Variants in MMP26 observed in about 807,000 individuals in gnomAD.
MMP26 encodes matrix metallopeptidase 26, also known as matrix metalloproteinase-26.
Under a neutral mutation model 31.0 loss-of-function variants are expected in MMP26, and 33 were observed. The ratio of observed to expected loss-of-function variants is 1.06; its 90% CI spans 0.81 to 1.42. MMP26 has a LOEUF of 1.42. Ranked by LOEUF, MMP26 falls within the 40% of genes most tolerant of loss-of-function variation. The pLI is 0.00. For missense variants in MMP26, 347 were observed against 316.1 expected (o/e 1.10, Z -0.74); for synonymous variants, 122 against 114.9 (o/e 1.06, Z -0.40).
rs563748507 is a variant in MMP26 at position 4,857,311 on chromosome 11, A to C, written c.-145+89970A>C. Among the ~76,000 whole-genome samples the C allele has an allele frequency of 7.6e-3, 1,154 of 152,302 alleles. 12 individuals carry two copies. The highest frequency in any genetic ancestry group is 0.027 in the African/African-American group (1,125 of 41,558). ...AGCTGGTTTGTTAAAAAGATTAACA[A>C]AATTGATAGACTGCTAGCAAGACTA... On this transcript the variant is annotated intron_variant, in intron 2 of 7. Transcript: ENST00000380390.
At chr11:4,912,150 C>A (rs1851001029) in intron 2 of MMP26, among the ~76,000 whole-genome samples, 1 of 152,078 alleles carries the variant, frequency 6.6e-6, no homozygotes, top group Non-Finnish European at 1.5e-5. Flanking sequence ...AATAAAAGAA[C>A]ATGCTAAGAA....
intron 2 of MMP26, chr11:4,882,079 C>T: frequency 6.2e-7 from 1 of 1,613,900 alleles, no homozygotes; most frequent in Non-Finnish European, 8.5e-7. Context: ...TCCACAAACC[C>T]ATGTATTATT....
At chr11:4,889,954 G>A (rs1167592606) in intron 2 of MMP26, 1 of 160,534 alleles carries the variant, frequency 6.2e-6, no homozygotes, top group African/African-American at 2.4e-5. Context: ...AGAAGAAGTT[G>A]ACAGTGTTGT....
At position 4,819,275 on chromosome 11, in the gene MMP26, T is replaced by C. The variant is rs149126468; in HGVS notation, c.-145+51934T>C. Among the ~76,000 whole-genome samples, 721 of 152,230 alleles carry C rather than the reference T, an allele frequency of 4.7e-3. 8 individuals carry two copies. The highest frequency in any genetic ancestry group is 0.015 in the African/African-American group (634 of 41,536). ...AATTCACTTGAAATTTATTATTGTATAGGTGAAATATGAGGCTGTGAAAAT... is the reference window on the plus strand; with the variant it reads ...AATTCACTTGAAATTTATTATTGTACAGGTGAAATATGAGGCTGTGAAAAT... On this transcript the variant is annotated intron_variant, in intron 2 of 7. Coordinates refer to ENST00000380390, the MANE Select transcript of MMP26 (RefSeq NM_021801.5).
chr11:4,816,860 C>T (rs866726112), intron 2 of MMP26, among the ~76,000 whole-genome samples: 10 of 128,510 alleles, frequency 7.8e-5, no homozygotes, highest in East Asian at 3.9e-4. Context: ...CCCGCCACCA[C>T]GCCCGGCTAA....
chr11:4,745,559 A>G (rs958622396), intron 1 of MMP26, among the ~76,000 whole-genome samples: 1 of 152,192 alleles, frequency 6.6e-6, no homozygotes, highest in Non-Finnish European at 1.5e-5. Flanking sequence ...CTCCCAGTGG[A>G]GTGGTACATT....
intron 2 of MMP26, chr11:4,794,292 C>T (rs1483370245): frequency 6.6e-6 from 1 of 152,090 alleles, no homozygotes; most frequent in Admixed American, 6.6e-5. Flanking sequence ...TGTCCAAACC[C>T]AAAGAATAGA....
intron 1 of MMP26, among the ~76,000 whole-genome samples, chr11:4,726,867 G>A (rs1330117462): frequency 3.9e-5 from 6 of 152,044 alleles, no homozygotes; most frequent in Admixed American, 3.9e-4. Context: ...AATTAGCCAG[G>A]CATGATAGGG....
intron 1 of MMP26, among the ~76,000 whole-genome samples, chr11:4,734,056 G>C (rs1418846847): frequency 2.0e-5 from 3 of 151,974 alleles, no homozygotes; most frequent in Non-Finnish European, 2.9e-5. Flanking sequence ...ATATGTTGCT[G>C]GATTTAGTTT....
chr11:4,852,829 C>T (rs1039054916), intron 2 of MMP26, among the ~76,000 whole-genome samples: 4 of 151,812 alleles, frequency 2.6e-5, no homozygotes, highest in African/African-American at 9.7e-5. Context: ...CATTGATGTA[C>T]GAAGAGGTTA....
rs1203922431 is a variant in MMP26 at position 4,705,063 on chromosome 11, T to G, written c.-217+18T>G. 6.6e-6 allele frequency: 1 copy of G among 152,218 alleles called. No individual in the cohort carries two copies. Among genetic ancestry groups the G allele is most frequent in the Non-Finnish European group, 1.5e-5 (1 of 68,044 alleles). 9.4% of individuals were successfully genotyped at this position (152,218 alleles called of 1,614,324 possible). ...TGCACAAGGTCAGTGTTGTAGTGCA[T>G]TGAAGACAGTTATAAATAAATTAGG... On this transcript the variant is annotated intron_variant, in intron 1 of 7. Coordinates refer to ENST00000380390, the MANE Select transcript of MMP26 (RefSeq NM_021801.5).
At chr11:4,891,590 G>T (rs1247625158) in intron 2 of MMP26, among the ~76,000 whole-genome samples, 5 of 152,174 alleles carry the variant, frequency 3.3e-5, no homozygotes, top group African/African-American at 1.2e-4. Context: ...TTCAAAGGAA[G>T]CAGTCCAAAG....
At chr11:4,981,815 GT>G (rs989557560) in intron 2 of MMP26, among the ~76,000 whole-genome samples, 3 of 151,342 alleles carry the variant, frequency 2.0e-5, no homozygotes, top group East Asian at 3.9e-4. Context: ...ATACTTTTAA[GT>G]TTTTTTCTTT....
At chr11:4,978,710 T>C (rs1396493645) in intron 2 of MMP26, among the ~76,000 whole-genome samples, 4 of 152,190 alleles carry the variant, frequency 2.6e-5, no homozygotes, top group Non-Finnish European at 5.9e-5. Context: ...TATCATCACT[T>C]AACTGACACT....
rs1458138908 is a variant in MMP26, at chr11:4,948,871, GT to G, written c.-144-39195del. Among the ~76,000 whole-genome samples, 2 of 124,646 alleles carry G rather than the reference GT, an allele frequency of 1.6e-5. 1 individual carries two copies. The highest frequency in any genetic ancestry group is 3.6e-5 in the Non-Finnish European group (2 of 54,826). 81.8% of individuals were successfully genotyped at this position (124,646 alleles called of 152,430 possible). On this transcript the variant is annotated intron_variant, in intron 2 of 7. Transcript: ENST00000380390. ...CCCCAATGAAAATAAGCCCCACTTG[GT>G]TATGTTGTCAAGAATTCTCTCCTTC...
intron 2 of MMP26, chr11:4,848,800 G>T: frequency 6.2e-7 from 1 of 1,614,086 alleles, no homozygotes; most frequent in Non-Finnish European, 8.5e-7. Flanking sequence ...TAGTGGAGAG[G>T]TCGGCAGATG....
At position 4,967,322 on chromosome 11, in the gene MMP26, C is replaced by G. The variant is rs529175679; in HGVS notation, c.-144-20746C>G. ...AAAAGTCTGGTCTCATTAGATTTGG[C>G]TTAATTATTTATGTAAGTGCAGCAA... On this transcript the variant is annotated intron_variant, in intron 2 of 7. Transcript: ENST00000380390. Among the ~76,000 whole-genome samples, 3 of 152,220 alleles carry G rather than the reference C, an allele frequency of 2.0e-5. No individual in the cohort carries two copies. In the East Asian group the frequency reaches 5.8e-4, roughly 29 times the overall value.
At chr11:4,915,967 C>T (rs1251097326) in intron 2 of MMP26, among the ~76,000 whole-genome samples, 3 of 152,132 alleles carry the variant, frequency 2.0e-5, no homozygotes, top group African/African-American at 7.2e-5. Context: ...TCTTTTCTGA[C>T]TTCTGTATCA....
intron 2 of MMP26, chr11:4,882,837 G>A: frequency 2.5e-6 from 4 of 1,613,710 alleles, no homozygotes; most frequent in Non-Finnish European, 2.5e-6. Flanking sequence ...CAATCCAAGG[G>A]TTCATGGGGT....
Sources: allele counts gnomAD v4.1 joint callset (sites outside exome capture counted in the v4.1 genomes callset), GRCh38; gene constraint gnomAD v4.1.1; transcripts MANE v1.5; gene names NCBI Gene and HGNC (gene_info 2026-07-23, HGNC 2026-07-21).